Variants in ATP9B observed in about 807,000 individuals in gnomAD.
The protein encoded by ATP9B is ATPase phospholipid transporting 9B.
In ATP9B, 110 loss-of-function variants were observed where a neutral mutation model predicts 146.1. The observed-to-expected ratio is 0.75, with a 90% confidence interval of 0.65 to 0.88. The LOEUF is 0.88. Among genes scored for constraint, ATP9B ranks in the 40% least tolerant of loss-of-function variants. The pLI, the probability that ATP9B is intolerant of heterozygous loss-of-function variation, is 0.00. For synonymous variants in ATP9B, 604 were observed against 569.7 expected (o/e 1.06, Z -0.86); for missense variants, 1,499 against 1,496.4 (o/e 1.00, Z -0.03).
At chr18:79,301,600 C>T (rs572797568) in intron 13 of ATP9B, among the ~76,000 whole-genome samples, 40 of 152,318 alleles carry the variant, frequency 2.6e-4, no homozygotes, top group Middle Eastern at 6.8e-3. Context: ...GTTAATTCTA[C>T]TTATTTAACA....
At chr18:79,291,001 C>T (rs114829615) in intron 13 of ATP9B, among the ~76,000 whole-genome samples, 2,324 of 152,224 alleles carry the variant, frequency 0.015, 64 homozygotes, top group African/African-American at 0.054. Flanking sequence ...TGGTCCGAAA[C>T]CTCTGCAGCT....
rs540418024 is a variant in ATP9B, at chr18:79,336,837, G to A, written c.2112+126G>A. On this transcript the variant is annotated intron_variant, in intron 18 of 29. Coordinates refer to ENST00000426216, the MANE Select transcript of ATP9B (RefSeq NM_198531.5). ...ATAGTCTAGGAGTGAAGGCAGCTTC[G>A]CTCAGCAGGAGCATGGGGTGATCCT... The A allele has an allele frequency of 1.0e-3, 921 of 920,020 alleles. 14 individuals are homozygous for A. The South Asian group carries it at 0.014, about 14-fold the overall frequency. The allele number at this position is 920,020 out of a possible 1,614,324, so 57.0% of individuals were successfully genotyped here.
At chr18:79,120,409 G>GAA in intron 4 of ATP9B, among the ~76,000 whole-genome samples, 1 of 152,308 alleles carries the variant, frequency 6.6e-6, no homozygotes, top group South Asian at 2.1e-4. Flanking sequence ...TTAAAATTGA[G>GAA]ATGTTTTTGA....
intron 15 of ATP9B, among the ~76,000 whole-genome samples, chr18:79,312,077 C>T (rs545197366): frequency 2.3e-4 from 35 of 152,304 alleles, no homozygotes; most frequent in African/African-American, 8.2e-4. Context: ...CCATGCACAG[C>T]GTTGAGACCG....
intron 15 of ATP9B, among the ~76,000 whole-genome samples, chr18:79,325,082 C>G (rs571706837): frequency 1.3e-5 from 2 of 152,310 alleles, no homozygotes; most frequent in African/African-American, 4.8e-5. Flanking sequence ...CTGAGCCCCT[C>G]TCCCAGGTTC....
chr18:79,346,263 A>G (rs886301566), intron 23 of ATP9B, among the ~76,000 whole-genome samples: 1 of 149,808 alleles, frequency 6.7e-6, no homozygotes, highest in African/African-American at 2.5e-5. Flanking sequence ...CACACGGCAC[A>G]TACGTGCTTA....
At chr18:79,099,800 T>A (rs1346360719) in intron 2 of ATP9B, among the ~76,000 whole-genome samples, 22 of 152,028 alleles carry the variant, frequency 1.4e-4, no homozygotes, top group Admixed American at 1.4e-3. Flanking sequence ...GATTTGTATC[T>A]GAATTTCATG....
chr18:79,138,271 T>G (rs1670184860), intron 5 of ATP9B, among the ~76,000 whole-genome samples: 1 of 152,192 alleles, frequency 6.6e-6, no homozygotes, highest in Admixed American at 6.5e-5. Context: ...AACGTTTATA[T>G]GAAATATGTG....
chr18:79,157,794 G>A (rs895716165), intron 7 of ATP9B, among the ~76,000 whole-genome samples: 4 of 152,186 alleles, frequency 2.6e-5, no homozygotes, highest in Non-Finnish European at 5.9e-5. Flanking sequence ...CTGCGGCCGT[G>A]CAGTTGTTTT....
At chr18:79,081,029 T>A (rs1214263437) in intron 1 of ATP9B, among the ~76,000 whole-genome samples, 2 of 152,222 alleles carry the variant, frequency 1.3e-5, no homozygotes, top group African/African-American at 4.8e-5. Context: ...GCCAGTATTT[T>A]ATTGAGGATT....
intron 7 of ATP9B, among the ~76,000 whole-genome samples, chr18:79,167,651 G>T (rs1216693184): frequency 2.0e-5 from 3 of 152,162 alleles, no homozygotes; most frequent in Non-Finnish European, 4.4e-5. Context: ...AACTTAGAAG[G>T]GAGGAAGCGC....
intron 1 of ATP9B, chr18:79,084,994 T>G (rs1190163392): frequency 7.9e-6 from 1 of 126,100 alleles, no homozygotes; most frequent in Non-Finnish European, 1.7e-5. Context: ...TACTTGAGGC[T>G]GGGTAATTTA....
chr18:79,265,793 C>A (rs749533369), intron 12 of ATP9B, among the ~76,000 whole-genome samples: 5 of 151,884 alleles, frequency 3.3e-5, no homozygotes, highest in African/African-American at 4.8e-5. Flanking sequence ...CTTGATGTCT[C>A]CATCATAAAA....
At chr18:79,208,699 T>A (rs1237550404) in intron 10 of ATP9B, among the ~76,000 whole-genome samples, 1 of 152,184 alleles carries the variant, frequency 6.6e-6, no homozygotes, top group Non-Finnish European at 1.5e-5. Context: ...TATTTATATA[T>A]AAATTACATC....
At chr18:79,155,368 A>G (rs982501024) in intron 7 of ATP9B, among the ~76,000 whole-genome samples, 1 of 152,234 alleles carries the variant, frequency 6.6e-6, no homozygotes, top group Non-Finnish European at 1.5e-5. Flanking sequence ...AGGTAATTGG[A>G]TAGAAGCCTA....
intron 5 of ATP9B, among the ~76,000 whole-genome samples, chr18:79,135,449 T>C: frequency 6.6e-6 from 1 of 152,222 alleles, no homozygotes; most frequent in East Asian, 1.9e-4. Flanking sequence ...TGTGGCTCTT[T>C]TCTGAGGGCC....
At chr18:79,258,254 G>C (rs968884893) in intron 12 of ATP9B, among the ~76,000 whole-genome samples, 1 of 152,036 alleles carries the variant, frequency 6.6e-6, no homozygotes, top group African/African-American at 2.4e-5. Context: ...GGTGAAACCT[G>C]GTCTCTCCAA....
At chr18:79,176,749 G>T in intron 7 of ATP9B, 64 bp from the exon 8 acceptor site, 1 of 1,356,444 alleles carries the variant, frequency 7.4e-7, no homozygotes, top group East Asian at 2.3e-5. Context: ...GATGGCACCT[G>T]TAGCTCAGGA....
intron 9 of ATP9B, among the ~76,000 whole-genome samples, chr18:79,204,609 TG>T (rs1181312576): frequency 2.0e-5 from 3 of 152,236 alleles, no homozygotes; most frequent in Non-Finnish European, 4.4e-5. Flanking sequence ...TGCAACATGT[TG>T]TACTTGATAA....
Sources: allele counts gnomAD v4.1 joint callset (sites outside exome capture counted in the v4.1 genomes callset), GRCh38; gene constraint gnomAD v4.1.1; transcripts MANE v1.5; gene names NCBI Gene and HGNC (gene_info 2026-07-23, HGNC 2026-07-21).